The following FNIP1 variants were observed in gnomAD, a reference collection of about 807,000 sequenced individuals.
FNIP1 encodes folliculin interacting protein 1, also known as folliculin-interacting protein 1.
FNIP1 carries 40 observed loss-of-function variants against 124.5 expected under a neutral mutation model. The observed-to-expected ratio is 0.32, with a 90% CI of 0.25 to 0.42. The LOEUF is 0.42. Ranked by LOEUF, FNIP1 falls within the 10% of genes least tolerant of loss-of-function variation. The pLI, the probability that FNIP1 is intolerant of heterozygous loss-of-function variation, is 1.00. For synonymous variants in FNIP1, 472 were observed against 470.6 expected (o/e 1.00, Z -0.04); for missense variants, 1,176 against 1,403.7 (o/e 0.84, Z 2.59).
At chr5:131,693,985 T>C (rs1768604636) in intron 11 of FNIP1, among the ~76,000 whole-genome samples, 1 of 152,094 alleles carries the variant, frequency 6.6e-6, no homozygotes, top group Non-Finnish European at 1.5e-5. Flanking sequence ...GCTCAACATA[T>C]GTCATTGGGG....
intron 1 of FNIP1, among the ~76,000 whole-genome samples, chr5:131,767,222 A>G (rs1561697695): frequency 1.3e-5 from 2 of 152,148 alleles, no homozygotes; most frequent in South Asian, 4.1e-4. Flanking sequence ...TCACGAGGTC[A>G]AGAGATCAAG....
chr5:131,740,531 T>A (rs59830580), intron 2 of FNIP1, among the ~76,000 whole-genome samples: 13,197 of 152,238 alleles, frequency 0.087, 1,257 homozygotes, highest in African/African-American at 0.24. Context: ...TGAAATAGCA[T>A]TGCACTGTTG....
At chr5:131,652,032 A>G in intron 15 of FNIP1, 33 bp from the exon 16 acceptor site, 1 of 1,576,602 alleles carries the variant, frequency 6.3e-7, no homozygotes, top group Non-Finnish European at 8.6e-7. Flanking sequence ...TCTTATGTTT[A>G]GCAAATGAAG....
At position 131,710,674 on chromosome 5, in the gene FNIP1, A is replaced by G. The variant is rs1430386957; in HGVS notation, c.623-13T>C. 4 of 1,611,936 alleles carry G rather than the reference A, an allele frequency of 2.5e-6. No individual in the cohort carries two copies. The highest frequency in any genetic ancestry group is 8.5e-7 in the Non-Finnish European group (1 of 1,179,100). On this transcript the variant is annotated splice_polypyrimidine_tract_variant and intron_variant, in intron 6 of 17. Coordinates refer to ENST00000510461, the MANE Select transcript of FNIP1 (RefSeq NM_133372.3). ...AACTGTGAAAGACCTACATGGCAAA[A>G]ACGTAAAATACACATGAAAGAGGAC...
At chr5:131,764,866 A>G (rs954653438) in intron 1 of FNIP1, among the ~76,000 whole-genome samples, 34 of 152,198 alleles carry the variant, frequency 2.2e-4, no homozygotes, top group Admixed American at 8.5e-4. Context: ...ATACTGCTCT[A>G]TGACACTATA....
At chr5:131,751,921 C>G (rs2149565911) in intron 1 of FNIP1, among the ~76,000 whole-genome samples, 1 of 152,308 alleles carries the variant, frequency 6.6e-6, no homozygotes, top group African/African-American at 2.4e-5. Context: ...CAAACAAAAA[C>G]AGCAACAACC....
chr5:131,696,004 G>C (rs1768678836), intron 11 of FNIP1, among the ~76,000 whole-genome samples: 1 of 152,116 alleles, frequency 6.6e-6, no homozygotes, highest in East Asian at 1.9e-4. Flanking sequence ...AAGCAACTTT[G>C]TATAATTTAC....
Position 131,744,659 on chromosome 5 carries a change from T to C in FNIP1, c.124A>G (p.Ile42Val). The C allele has an allele frequency of 1.2e-6, 2 of 1,610,726 alleles. No homozygotes were observed. Among genetic ancestry groups the C allele is most frequent in the Non-Finnish European group, 1.7e-6 (2 of 1,178,466 alleles). ...WPLPEFDPSQ[I>V]RLIVYQDCER... Reference sequence around the variant, plus strand: ...CAGTCTTGATATACAATCAGTCGAATCTGGCTTGGATCAAACTCTGGTAAA... The same window carrying C: ...CAGTCTTGATATACAATCAGTCGAACCTGGCTTGGATCAAACTCTGGTAAA... Residue 42 changes from isoleucine to valine, a missense_variant, in exon 2 of 18, where the codon ATT (isoleucine) becomes GTT (valine). Ile to Val is a conservative substitution (Grantham distance 29, BLOSUM62 3). Coordinates refer to ENST00000510461, the MANE Select transcript of FNIP1 (RefSeq NM_133372.3).
At chr5:131,782,764 G>T (rs1243134873) in intron 1 of FNIP1, among the ~76,000 whole-genome samples, 1 of 152,148 alleles carries the variant, frequency 6.6e-6, no homozygotes, top group Non-Finnish European at 1.5e-5. Flanking sequence ...ACTTTGAGGG[G>T]TTCAACACTT....
chr5:131,748,362 C>T (rs1273781067), intron 1 of FNIP1, among the ~76,000 whole-genome samples: 2 of 151,990 alleles, frequency 1.3e-5, no homozygotes, highest in African/African-American at 2.4e-5. Context: ...GAAGGTATTA[C>T]GGATACAATT....
chr5:131,734,035 A>C (rs553114364), intron 2 of FNIP1, among the ~76,000 whole-genome samples: 10 of 152,176 alleles, frequency 6.6e-5, no homozygotes, highest in Admixed American at 2.6e-4. Context: ...CAGAGACTCA[A>C]CTTCTTCCTG....
rs76940152 is a variant in FNIP1, at chr5:131,738,483, T to C, written c.219+6081A>G. On this transcript the variant is annotated intron_variant, in intron 2 of 17. Coordinates refer to ENST00000510461, the MANE Select transcript of FNIP1 (RefSeq NM_133372.3). Reference sequence around the variant, plus strand: ...TCTTTTACTTTATGGCTTCTGAATTTTAACTCATAGCTAGAAATATCTTTG... The same window carrying C: ...TCTTTTACTTTATGGCTTCTGAATTCTAACTCATAGCTAGAAATATCTTTG... Among the ~76,000 whole-genome samples the C allele has an allele frequency of 4.7e-3, 709 of 152,080 alleles. 8 individuals are homozygous for C. The highest frequency in any genetic ancestry group is 0.016 in the African/African-American group (673 of 41,488).
At chr5:131,792,653 C>T (rs796386149) in intron 1 of FNIP1, among the ~76,000 whole-genome samples, 12 of 152,108 alleles carry the variant, frequency 7.9e-5, no homozygotes, top group South Asian at 4.1e-4. Flanking sequence ...TGACAAGACG[C>T]CACAGTGGAA....
intron 17 of FNIP1, 79 bp from the exon 18 acceptor site, chr5:131,644,842 T>C (rs535475623): frequency 5.7e-6 from 8 of 1,392,182 alleles, no homozygotes; most frequent in Admixed American, 1.7e-5. Flanking sequence ...GACCACCAAC[T>C]GTAAGGTCAC....
At chr5:131,719,108 C>A in intron 4 of FNIP1, 48 bp from the exon 5 acceptor site, 4 of 1,525,222 alleles carry the variant, frequency 2.6e-6, no homozygotes, top group Non-Finnish European at 3.6e-6. Context: ...AATATAATGA[C>A]CTTTTGGATT....
chr5:131,755,301 A>C lies in FNIP1; in HGVS notation c.93-10611T>G, dbSNP rs117762750. On this transcript the variant is annotated intron_variant, in intron 1 of 17. Transcript: ENST00000510461. ...CCGGGCATGATGGTGGGCGCCTGTAATTCTGGCTGCTTGGGAGGCTGGGAC... is the reference window on the plus strand; with the variant it reads ...CCGGGCATGATGGTGGGCGCCTGTACTTCTGGCTGCTTGGGAGGCTGGGAC... 2.5e-3 allele frequency among the ~76,000 whole-genome samples: 377 copies of C among 151,912 alleles called. 9 individuals carry two copies. The East Asian group carries it at 0.063, about 25-fold the overall frequency.
At chr5:131,792,530 G>T (rs759446711) in intron 1 of FNIP1, among the ~76,000 whole-genome samples, 70 of 152,286 alleles carry the variant, frequency 4.6e-4, no homozygotes, top group Middle Eastern at 3.4e-3. Context: ...ATCACAGAAA[G>T]ACCAGTTAAA....
intron 17 of FNIP1, among the ~76,000 whole-genome samples, chr5:131,645,246 T>C (rs1766846725): frequency 6.8e-6 from 1 of 147,684 alleles, no homozygotes; most frequent in Non-Finnish European, 1.5e-5. Context: ...CTCTTGAGCC[T>C]GGGAGGTTGA....
chr5:131,679,224 T>C (rs1768001027), intron 11 of FNIP1, 49 bp from the exon 12 acceptor site: 4 of 1,078,142 alleles, frequency 3.7e-6, no homozygotes, highest in Non-Finnish European at 5.6e-6. Flanking sequence ...AAGAGTTACA[T>C]ACTCTTAAAA....
Sources: allele counts gnomAD v4.1 joint callset (sites outside exome capture counted in the v4.1 genomes callset), GRCh38; gene constraint gnomAD v4.1.1; transcripts MANE v1.5; gene names NCBI Gene and HGNC (gene_info 2026-07-23, HGNC 2026-07-21).